FBXL20: variants seen among roughly 807,000 people sequenced by gnomAD.
The protein encoded by FBXL20 is F-box and leucine rich repeat protein 20.
In FBXL20, 11 loss-of-function variants were observed where a neutral mutation model predicts 64.0. The observed-to-expected ratio is 0.17, with a 90% CI of 0.11 to 0.28. The LOEUF is 0.28. Ranked by LOEUF, FBXL20 falls within the 10% of genes least tolerant of loss-of-function variation. The pLI is 1.00. For missense variants in FBXL20, 303 were observed against 526.2 expected (o/e 0.58, Z 4.15); for synonymous variants, 184 against 189.0 (o/e 0.97, Z 0.22).
chr17:39,378,171 G>A (rs896545137), intron 1 of FBXL20, among the ~76,000 whole-genome samples: 1 of 152,188 alleles, frequency 6.6e-6, no homozygotes, highest in Non-Finnish European at 1.5e-5. Flanking sequence ...GATTTCCAGA[G>A]TTGCCACATT....
chr17:39,389,429 C>CG (rs2048114709), intron 1 of FBXL20, among the ~76,000 whole-genome samples: 1 of 152,054 alleles, frequency 6.6e-6, no homozygotes, highest in South Asian at 2.1e-4. Context: ...GGACGAATGT[C>CG]GGGAAAGGGT....
chr17:39,277,088 C>T (rs980040953), intron 9 of FBXL20, among the ~76,000 whole-genome samples: 8 of 152,148 alleles, frequency 5.3e-5, no homozygotes, highest in Admixed American at 2.0e-4. Context: ...ACAAGGACAA[C>T]TGAAAAAACA....
chr17:39,302,894 A>G (rs180853200), intron 3 of FBXL20, among the ~76,000 whole-genome samples: 265 of 151,942 alleles, frequency 1.7e-3, no homozygotes, highest in South Asian at 7.7e-3. Context: ...CTTAGAAAAG[A>G]TACTATCATT....
At chr17:39,306,235 C>G (rs1238458993) in intron 2 of FBXL20, among the ~76,000 whole-genome samples, 2 of 151,508 alleles carry the variant, frequency 1.3e-5, no homozygotes, top group African/African-American at 4.8e-5. Flanking sequence ...ACTGCAACCT[C>G]AGCCTCTTGG....
chr17:39,365,065 T>C (rs2047845981), intron 1 of FBXL20, among the ~76,000 whole-genome samples: 1 of 152,228 alleles, frequency 6.6e-6, no homozygotes, highest in Non-Finnish European at 1.5e-5. Flanking sequence ...GCAAAATTTC[T>C]AACATACAAA....
chr17:39,345,801 A>T (rs559500157), intron 1 of FBXL20, among the ~76,000 whole-genome samples: 99 of 152,272 alleles, frequency 6.5e-4, no homozygotes, highest in African/African-American at 2.2e-3. Context: ...TCAGTGTCCC[A>T]AAGTGCTAAG....
intron 2 of FBXL20, among the ~76,000 whole-genome samples, chr17:39,322,013 TA>T (rs1277429699): frequency 4.0e-5 from 6 of 151,868 alleles, no homozygotes; most frequent in Non-Finnish European, 7.4e-5. Flanking sequence ...CTTGATTTGA[TA>T]ATAATAATGT....
rs527382538 is a variant in FBXL20, at chr17:39,272,350, C to T, written c.828-1494G>A. On this transcript the variant is annotated intron_variant, in intron 10 of 14. Transcript: ENST00000264658. ...GCAGTGAGCTGAGGTCACGCCACTG[C>T]GCTCCAGCCTGGCAACAGAGCGAGA... Among the ~76,000 whole-genome samples, 138 of 149,690 alleles carry T rather than the reference C, an allele frequency of 9.2e-4. 2 individuals are homozygous for T. The South Asian group carries it at 0.018, about 20-fold the overall frequency.
intron 2 of FBXL20, among the ~76,000 whole-genome samples, chr17:39,310,072 G>A (rs2047218669): frequency 6.6e-6 from 1 of 150,540 alleles, no homozygotes; most frequent in Non-Finnish European, 1.5e-5. Context: ...AGGATTGTTT[G>A]AATCAAGGAA....
chr17:39,381,797 GAA>G (rs562910166), intron 1 of FBXL20, among the ~76,000 whole-genome samples: 24 of 101,210 alleles, frequency 2.4e-4, no homozygotes, highest in East Asian at 3.0e-4. Context: ...TCTCTGAAGG[GAA>G]AAAAAAAAAA....
chr17:39,380,007 T>G (rs143617396), intron 1 of FBXL20, among the ~76,000 whole-genome samples: 1 of 151,972 alleles, frequency 6.6e-6, no homozygotes, highest in East Asian at 1.9e-4. Flanking sequence ...TAAATATATA[T>G]ATATAAGTTC....
intron 1 of FBXL20, among the ~76,000 whole-genome samples, chr17:39,364,050 C>T (rs1597822020): frequency 6.6e-6 from 1 of 151,640 alleles, no homozygotes; most frequent in Non-Finnish European, 1.5e-5. Context: ...CCACCACGCT[C>T]GACTAGTTTT....
chr17:39,264,280 T>C lies in FBXL20; in HGVS notation c.1098A>G (p.Leu366=), dbSNP rs1476759533. The C allele has an allele frequency of 2.5e-6, 4 of 1,614,084 alleles. No homozygotes were observed. In the African/African-American group the frequency reaches 5.3e-5, roughly 22 times the overall value. The change falls in exon 14 of 15, where the codon CTA becomes CTG. Residue 366 remains leucine, a synonymous_variant. Transcript: ENST00000264658. ...AGTGCTCCAGGGATGCATCTGTGAT[T>C]AGTGGGCAGTTGTCCAGCTCAATCA... ...LEVIELDNCP[L]ITDASLEHLK...
At chr17:39,340,471 C>A (rs1296214488) in intron 2 of FBXL20, among the ~76,000 whole-genome samples, 2 of 152,216 alleles carry the variant, frequency 1.3e-5, no homozygotes, top group African/African-American at 4.8e-5. Context: ...CTCAAGTGAT[C>A]CGCCTGCCTT....
At chr17:39,386,109 C>T (rs2048077005) in intron 1 of FBXL20, among the ~76,000 whole-genome samples, 1 of 150,776 alleles carries the variant, frequency 6.6e-6, no homozygotes, top group South Asian at 2.1e-4. Flanking sequence ...CTTTGGGAGG[C>T]CAAGGTGGGT....
intron 9 of FBXL20, among the ~76,000 whole-genome samples, chr17:39,279,873 C>T (rs368323443): frequency 1.3e-5 from 2 of 151,752 alleles, no homozygotes; most frequent in South Asian, 4.2e-4. Context: ...GCCTGGGTAA[C>T]ACAGCAAGAC....
At chr17:39,301,612 C>T (rs2047136091) in intron 3 of FBXL20, among the ~76,000 whole-genome samples, 1 of 152,142 alleles carries the variant, frequency 6.6e-6, no homozygotes, top group Admixed American at 6.6e-5. Context: ...CCTGTAATCT[C>T]AGCTACTCAG....
intron 2 of FBXL20, among the ~76,000 whole-genome samples, chr17:39,316,769 C>G (rs551554887): frequency 3.4e-4 from 52 of 152,318 alleles, no homozygotes; most frequent in African/African-American, 1.2e-3. Context: ...GGGTGGGCCA[C>G]CTGAGGTCAG....
intron 2 of FBXL20, among the ~76,000 whole-genome samples, chr17:39,339,068 C>A (rs375524492): frequency 2.7e-5 from 4 of 147,918 alleles, no homozygotes; most frequent in Non-Finnish European, 5.9e-5. Flanking sequence ...CTCAGGAGGA[C>A]GAGGCAGGAG....
Sources: gnomAD v4.1 joint callset for allele counts (sites outside exome capture counted in the v4.1 genomes callset) on GRCh38, gnomAD v4.1.1 for gene constraint, MANE v1.5 for transcripts, NCBI Gene and HGNC (gene_info 2026-07-23, HGNC 2026-07-21) for gene names.